The following HECTD2 variants were observed in gnomAD, a reference collection of about 807,000 sequenced individuals.
HECTD2 encodes the protein HECT domain E3 ubiquitin protein ligase 2, also known as probable E3 ubiquitin-protein ligase HECTD2.
In HECTD2, 35 loss-of-function variants were observed where a neutral mutation model predicts 103.2. That is an observed-to-expected ratio of 0.34 (90% CI 0.26 to 0.45). The LOEUF is 0.45. Ranked by LOEUF, HECTD2 falls within the 20% of genes least tolerant of loss-of-function variation. The probability of loss-of-function intolerance (pLI) is 1.00; values close to 1 mark genes in which losing one functional copy is unlikely to be tolerated. For synonymous variants in HECTD2, 281 were observed against 329.9 expected, an observed-to-expected ratio of 0.85 and a Z score of 1.61; for missense variants, 596 against 937.4, an observed-to-expected ratio of 0.64 and a Z score of 4.76.
chr10:91,468,776 A>C (rs552554241), intron 5 of HECTD2, among the ~76,000 whole-genome samples: 1 of 152,022 alleles, frequency 6.6e-6, no homozygotes, highest in African/African-American at 2.4e-5. Flanking sequence ...ACAAAAAAAA[A>C]TTTTTTTAAG....
chr10:91,511,217 A>G (rs1847407162), intron 20 of HECTD2, among the ~76,000 whole-genome samples: 1 of 152,184 alleles, frequency 6.6e-6, no homozygotes, highest in Non-Finnish European at 1.5e-5. Flanking sequence ...TGTGAAGTTC[A>G]TAAAGACTGA....
intron 2 of HECTD2, among the ~76,000 whole-genome samples, chr10:91,441,919 G>GTTTTTTTTT (rs1844410285): frequency 4.7e-5 from 1 of 21,206 alleles, no homozygotes; most frequent in Non-Finnish European, 8.9e-5. Context: ...TTTTTTTTTT[G>GTTTTTTTTT]CTTTCCATTT....
intron 2 of HECTD2, among the ~76,000 whole-genome samples, chr10:91,426,784 G>C (rs1174018620): frequency 6.6e-6 from 1 of 151,830 alleles, no homozygotes; most frequent in Non-Finnish European, 1.5e-5. Context: ...TTCCATCAAT[G>C]TGTGCTTCCT....
chr10:91,410,621 T>C (rs1589448930), intron 1 of HECTD2, 45 bp downstream of exon 1: 5 of 1,310,936 alleles, frequency 3.8e-6, no homozygotes, highest in Non-Finnish European at 4.9e-6. Context: ...ACGGCGGGAG[T>C]TGGGAGGGAC....
chr10:91,410,057 T>C (rs995065183), upstream of HECTD2, among the ~76,000 whole-genome samples: 30 of 152,070 alleles, frequency 2.0e-4, no homozygotes, highest in Non-Finnish European at 3.8e-4. Flanking sequence ...GGTCTCCTCG[T>C]CATCTCGGGC....
At chr10:91,469,783 T>G (rs1845658753) in intron 5 of HECTD2, among the ~76,000 whole-genome samples, 1 of 152,150 alleles carries the variant, frequency 6.6e-6, no homozygotes, top group Non-Finnish European at 1.5e-5. Flanking sequence ...AGTGGCAAGT[T>G]GTATAAGAAG....
intron 2 of HECTD2, among the ~76,000 whole-genome samples, chr10:91,455,483 G>C (rs1333135788): frequency 6.6e-6 from 1 of 152,144 alleles, no homozygotes; most frequent in Non-Finnish European, 1.5e-5. Context: ...CCATTTGTCA[G>C]ATGAGTAGAT....
intron 1 of HECTD2, among the ~76,000 whole-genome samples, chr10:91,415,193 AGTGTGTGTGTGT>A (rs397846279): frequency 9.9e-5 from 14 of 141,736 alleles, no homozygotes; most frequent in South Asian, 4.6e-4. Flanking sequence ...AATTAGAGAA[AGTGTGTGTGTGT>A]GTGTGTGTGT....
At position 91,425,298 on chromosome 10, in the gene HECTD2, C is replaced by G. The variant is rs1309873429; in HGVS notation, c.156C>G (p.Ala52=). Residue 52 remains alanine (A), a synonymous_variant, in exon 2 of 21, where the codon GCC becomes GCG. Transcript: ENST00000298068. ...GTTTTCAGGGTTTGGACAGAGGAGC[C>G]AAAGGCCAAATTTCCACTTTCAGCA... The part of the protein sequence containing the change: ...AGATAGLDRG[A]KGQISTFSSF... 1 of 1,541,294 alleles carries G rather than the reference C, an allele frequency of 6.5e-7. No individual in the cohort carries two copies. The highest frequency in any genetic ancestry group is 8.8e-7 in the Non-Finnish European group (1 of 1,137,742).
chr10:91,460,969 A>G (rs1320139620), intron 3 of HECTD2, among the ~76,000 whole-genome samples: 1 of 152,230 alleles, frequency 6.6e-6, no homozygotes, highest in Non-Finnish European at 1.5e-5. Context: ...GATAGAATGT[A>G]AACAAAGTCT....
intron 15 of HECTD2, 95 bp downstream of exon 15, chr10:91,496,467 A>C: frequency 1.2e-6 from 1 of 849,624 alleles, no homozygotes; most frequent in Non-Finnish European, 1.8e-6. Context: ...CTTACTTTTA[A>C]ATATGGTTTC....
chr10:91,503,498 A>G, intron 20 of HECTD2, among the ~76,000 whole-genome samples: 1 of 152,052 alleles, frequency 6.6e-6, no homozygotes, highest in Non-Finnish European at 1.5e-5. Context: ...CCCTTTCCTA[A>G]TCAAAGAAAG....
At chr10:91,484,922 T>C (rs1450074063) in intron 9 of HECTD2, among the ~76,000 whole-genome samples, 3 of 152,048 alleles carry the variant, frequency 2.0e-5, no homozygotes, top group South Asian at 4.1e-4. Flanking sequence ...CACACAGAAA[T>C]AGGAGTAAAT....
In HECTD2 at chr10:91,481,172, A is replaced by G. The variant is rs750714395; in HGVS notation, c.711+33A>G. ...AACCAGAACCTAGTTGAAGTTGTCT[A>G]AGTCAGATCTCAATCCCTACATGTG... On this transcript the variant is annotated intron_variant, in intron 7 of 20. Transcript: ENST00000298068. The G allele has an allele frequency of 2.1e-5, 25 of 1,204,424 alleles. No homozygotes were observed. The African/African-American group carries it at 3.3e-4, about 16-fold the overall frequency. 74.6% of individuals were successfully genotyped at this position (1,204,424 alleles called of 1,614,324 possible).
At chr10:91,474,204 G>A (rs977004517) in intron 5 of HECTD2, among the ~76,000 whole-genome samples, 2 of 152,068 alleles carry the variant, frequency 1.3e-5, no homozygotes, top group African/African-American at 4.8e-5. Context: ...GAGAGTAGGG[G>A]AATGGGAAAA....
chr10:91,461,366 C>T lies in HECTD2; in HGVS notation c.510+10C>T. 8.2e-7 allele frequency: 1 copy of T among 1,216,242 alleles called. No homozygotes were observed. The highest frequency in any genetic ancestry group is 1.2e-6 in the Non-Finnish European group (1 of 861,462). 75.3% of individuals were successfully genotyped at this position (1,216,242 alleles called of 1,614,324 possible). A position where few individuals can be genotyped will look rare whatever the true frequency, so the allele number is the denominator to read the frequency against. ...AAATGCTGCATTTAAGGTAATTATA[C>T]ATAAAACACACTTTTCATTTCACTT... On this transcript the variant is annotated intron_variant, in intron 4 of 20. Transcript: ENST00000298068.
At chr10:91,462,867 G>C (rs760139680) in intron 5 of HECTD2, 84 of 535,932 alleles carry the variant, frequency 1.6e-4, no homozygotes, top group Non-Finnish European at 2.0e-4. Flanking sequence ...TATCCTTTTA[G>C]GTACCTAGGT....
intron 2 of HECTD2, among the ~76,000 whole-genome samples, chr10:91,437,619 C>CT (rs59785873): frequency 0.031 from 2,674 of 87,382 alleles, 38 homozygotes; most frequent in East Asian, 0.047. Context: ...GATGGTTGTT[C>CT]TTTTTTTTTT....
At chr10:91,422,097 A>G (rs1843380858) in intron 1 of HECTD2, among the ~76,000 whole-genome samples, 1 of 152,120 alleles carries the variant, frequency 6.6e-6, no homozygotes, top group African/African-American at 2.4e-5. Context: ...AAATACAGAT[A>G]TGATCATGTC....
Sources: allele counts gnomAD v4.1 joint callset (sites outside exome capture counted in the v4.1 genomes callset), GRCh38; gene constraint gnomAD v4.1.1; transcripts MANE v1.5; gene names NCBI Gene and HGNC (gene_info 2026-07-23, HGNC 2026-07-21).